The following LRPPRC variants were observed in gnomAD, a reference collection of about 807,000 sequenced individuals.
LRPPRC encodes leucine-rich PPR motif-containing protein, mitochondrial.
A neutral mutation model predicts 180.3 loss-of-function variants in LRPPRC; 120 were observed. The observed-to-expected ratio is 0.67, with a 90% confidence interval of 0.57 to 0.77. The LOEUF is 0.77. Among genes scored for constraint, LRPPRC ranks in the 30% least tolerant of loss-of-function variants. The pLI is 0.00. For missense variants in LRPPRC, 2,012 were observed against 1,657.2 expected, an observed-to-expected ratio of 1.21 and a Z score of -3.72; for synonymous variants, 723 against 600.0, an observed-to-expected ratio of 1.21 and a Z score of -3.00.
Position 43,947,637 on chromosome 2 carries a change from T to C in LRPPRC, c.1965+94A>G, listed in dbSNP as rs1054779215. The C allele has an allele frequency of 4.8e-6, 4 of 826,726 alleles. No homozygotes were observed. The African/African-American group carries it at 5.1e-5, about 10-fold the overall frequency. The allele number at this position is 826,726 out of a possible 1,614,324, so 51.2% of individuals were successfully genotyped here. On this transcript the variant is annotated intron_variant, in intron 19 of 37. Transcript: ENST00000260665. ...TTAGAGGTATACAAGATGATAAAAA[T>C]GTGAGGAATCACTGGTTTTATAAGT...
intron 35 of LRPPRC, chr2:43,896,422 T>G: frequency 2.1e-6 from 1 of 477,060 alleles, no homozygotes. Context: ...TGCATACCTG[T>G]GTAAGTGGAA....
chr2:43,924,767 A>G (rs1671817193), intron 27 of LRPPRC, among the ~76,000 whole-genome samples: 1 of 152,260 alleles, frequency 6.6e-6, no homozygotes. Context: ...AGGTTTAAAT[A>G]AAAAGAACAG....
chr2:43,949,652 T>C lies in LRPPRC; in HGVS notation c.1685A>G (p.Glu562Gly), dbSNP rs142535753. 72 of 1,613,174 alleles carry C rather than the reference T, an allele frequency of 4.5e-5. 1 individual carries two copies. The African/African-American group carries it at 8.4e-4, about 19-fold the overall frequency. The change falls in exon 16 of 38, where the codon GAA (glutamate) becomes GGA (glycine). Residue 562 changes from glutamate to glycine, a missense_variant. By Grantham distance (98) the Glu-to-Gly change is moderately conservative. Transcript: ENST00000260665. ...MNINLWSEIT[E>G]LLYKDGRYCQ... ...ATAACGTCCATCCTTGTACAACAAT[T>C]CTGTTATCTGGTAAGACAGAAAATT...
At chr2:43,953,224 CG>C (rs1328004068) in intron 14 of LRPPRC, among the ~76,000 whole-genome samples, 2 of 152,122 alleles carry the variant, frequency 1.3e-5, no homozygotes, top group Non-Finnish European at 2.9e-5. Context: ...TTCATAGTTA[CG>C]AAGACTAGTT....
rs765016107 is a variant in LRPPRC, at chr2:43,948,524, G to GA, written c.1736-7dup. On this transcript the variant is annotated splice_region_variant and splice_polypyrimidine_tract_variant and intron_variant, in intron 16 of 37. Coordinates refer to ENST00000260665, the MANE Select transcript of LRPPRC (RefSeq NM_133259.4). Reference sequence around the variant, plus strand: ...AAGAAAATAGCCAACAGCTTCTGTGGAAAAAAACAAGAGAAAGCATTCCAC... The same window carrying GA: ...AAGAAAATAGCCAACAGCTTCTGTGGAAAAAAAACAAGAGAAAGCATTCCAC... 1.8e-5 allele frequency: 25 copies of GA among 1,427,510 alleles called. No homozygotes were observed. Among genetic ancestry groups the GA allele is most frequent in the South Asian group, 3.4e-5 (3 of 87,244 alleles). 88.4% of individuals were successfully genotyped at this position (1,427,510 alleles called of 1,614,324 possible).
Position 43,959,117 on chromosome 2 carries a change from T to A in LRPPRC, c.1582+1424A>T, listed in dbSNP as rs1039931527. The A allele has an allele frequency of 5.9e-6, 4 of 675,982 alleles. No homozygotes were observed. In the African/African-American group the frequency reaches 7.2e-5, roughly 12 times the overall value. 41.9% of individuals were successfully genotyped at this position (675,982 alleles called of 1,614,324 possible). A position where few individuals can be genotyped will look rare whatever the true frequency, so the allele number is the denominator to read the frequency against. On this transcript the variant is annotated intron_variant, in intron 13 of 37. Transcript: ENST00000260665. Reference sequence around the variant, plus strand: ...TCAAGAGGTTGACAACGAAGTGGAATGGATGATATGATAAAAGGAAAAGGC... The same window carrying A: ...TCAAGAGGTTGACAACGAAGTGGAAAGGATGATATGATAAAAGGAAAAGGC...
intron 11 of LRPPRC, among the ~76,000 whole-genome samples, chr2:43,966,234 A>AT (rs1390629566): frequency 1.3e-5 from 2 of 151,792 alleles, no homozygotes; most frequent in Non-Finnish European, 2.9e-5. Context: ...TCTCACTTAT[A>AT]TATGGAATCT....
chr2:43,968,178 C>G (rs1244624264), intron 11 of LRPPRC, among the ~76,000 whole-genome samples: 2 of 152,024 alleles, frequency 1.3e-5, no homozygotes, highest in African/African-American at 4.8e-5. Flanking sequence ...TAAATCTAAG[C>G]AAGTTGTCGC....
chr2:43,974,771 C>A lies in LRPPRC; in HGVS notation c.865-13G>T, dbSNP rs1190286245. 3.7e-6 allele frequency: 6 copies of A among 1,611,560 alleles called. No homozygotes were observed. The East Asian group carries it at 1.3e-4, about 36-fold the overall frequency. ...CCTTCTCCAGAGTCTATAGAGAGTTCCAGAAATTAGAAGACAAAGTTAGAG... is the reference window on the plus strand; with the variant it reads ...CCTTCTCCAGAGTCTATAGAGAGTTACAGAAATTAGAAGACAAAGTTAGAG... On this transcript the variant is annotated splice_polypyrimidine_tract_variant and intron_variant, in intron 7 of 37. Transcript: ENST00000260665.
At chr2:43,963,332 T>C (rs1673425785) in intron 12 of LRPPRC, among the ~76,000 whole-genome samples, 1 of 152,128 alleles carries the variant, frequency 6.6e-6, no homozygotes, top group South Asian at 2.1e-4. Flanking sequence ...TAATCCCAGC[T>C]ACTCGGGAGG....
At position 43,912,736 on chromosome 2, in the gene LRPPRC, A is replaced by C. The variant is rs554867897; in HGVS notation, c.3149-178T>G. ...AATTCTTCAAATATTTTAAAGACAA[A>C]GCTACAGGTTTGGAAACTACACCTT... On this transcript the variant is annotated intron_variant, in intron 29 of 37. Transcript: ENST00000260665. Among the ~76,000 whole-genome samples the C allele has an allele frequency of 5.3e-5, 8 of 152,296 alleles. No individual in the cohort carries two copies. The East Asian group carries it at 1.5e-3, about 29-fold the overall frequency.
Position 43,933,794 on chromosome 2 carries a change from TA to T in LRPPRC, c.2736+395del, listed in dbSNP as rs567591728. On this transcript the variant is annotated intron_variant, in intron 25 of 37. Coordinates refer to ENST00000260665, the MANE Select transcript of LRPPRC (RefSeq NM_133259.4). ...TTAACTTGTAGACAAGCATTACAAA[TA>T]AATCTTGAGCATGGTCTGCAGCAAA... Among the ~76,000 whole-genome samples, 9 of 152,330 alleles carry T rather than the reference TA, an allele frequency of 5.9e-5. No homozygotes were observed. In the East Asian group the frequency reaches 1.7e-3, roughly 29 times the overall value.
At chr2:43,890,390 G>C (rs1394253176) in intron 36 of LRPPRC, 2 of 469,066 alleles carry the variant, frequency 4.3e-6, no homozygotes, top group Non-Finnish European at 8.8e-6. Flanking sequence ...AATATGGAAA[G>C]TATAGTTAGC....
At chr2:43,974,497 A>T in intron 8 of LRPPRC, 117 bp downstream of exon 8, 1 of 855,842 alleles carries the variant, frequency 1.2e-6, no homozygotes, top group Non-Finnish European at 1.9e-6. Flanking sequence ...AACTGACTTT[A>T]AGAGTTCTAT....
intron 14 of LRPPRC, among the ~76,000 whole-genome samples, chr2:43,951,931 C>T (rs1283613373): frequency 6.6e-6 from 1 of 152,146 alleles, no homozygotes; most frequent in Non-Finnish European, 1.5e-5. Context: ...TGGTGGCTCA[C>T]GCCTGTAATC....
At chr2:43,944,972 T>C (rs779103861) in intron 22 of LRPPRC, among the ~76,000 whole-genome samples, 3 of 152,130 alleles carry the variant, frequency 2.0e-5, no homozygotes, top group Non-Finnish European at 4.4e-5. Context: ...TTTACGTTTA[T>C]AGGTTTTACG....
At chr2:43,942,371 A>G (rs1672514889) in intron 23 of LRPPRC, among the ~76,000 whole-genome samples, 4 of 152,180 alleles carry the variant, frequency 2.6e-5, no homozygotes, top group Admixed American at 1.3e-4. Flanking sequence ...CATATTAATT[A>G]TAGGATTTCT....
rs1400384824 is a variant in LRPPRC, at chr2:43,979,817, C to G, written c.469+9G>C. On this transcript the variant is annotated intron_variant, in intron 3 of 37. Transcript: ENST00000260665. Reference sequence around the variant, plus strand: ...CTTTTATACACATCATATATTTAAACAATCATACCTAATTTCTGAAGTGTG... The same window carrying G: ...CTTTTATACACATCATATATTTAAAGAATCATACCTAATTTCTGAAGTGTG... The G allele has an allele frequency of 1.9e-6, 3 of 1,612,126 alleles. No homozygotes were observed.
intron 30 of LRPPRC, 40 bp from the exon 31 acceptor site, chr2:43,905,820 C>T: frequency 8.5e-7 from 1 of 1,174,412 alleles, no homozygotes; most frequent in Non-Finnish European, 1.3e-6. Context: ...TACTGACATG[C>T]TTCTGATACG....
Sources: gnomAD v4.1 joint callset for allele counts (sites outside exome capture counted in the v4.1 genomes callset) on GRCh38, gnomAD v4.1.1 for gene constraint, MANE v1.5 for transcripts, NCBI Gene and HGNC (gene_info 2026-07-23, HGNC 2026-07-21) for gene names.